ERAP1: variants seen among roughly 807,000 people sequenced by gnomAD.
ERAP1 encodes endoplasmic reticulum aminopeptidase 1.
Under a neutral mutation model 103.7 loss-of-function variants are expected in ERAP1, and 86 were observed. That is an observed-to-expected ratio of 0.83 (90% CI 0.70 to 0.99). The LOEUF (loss-of-function observed/expected upper bound fraction) is 0.99. Ranked by LOEUF, ERAP1 falls within the 50% of genes least tolerant of loss-of-function variation. The pLI is 0.00. For missense variants in ERAP1, 1,009 were observed against 1,128.4 expected, an observed-to-expected ratio of 0.89 and a Z score of 1.52; for synonymous variants, 398 against 402.4, an observed-to-expected ratio of 0.99 and a Z score of 0.13.
the ERAP1 span, among the ~76,000 whole-genome samples, chr5:96,878,764 C>T: frequency 2.0e-5 from 3 of 152,158 alleles, no homozygotes; most frequent in Admixed American, 2.0e-4. Context: ...CCCGTCTCTA[C>T]TAAAAATACA....
the ERAP1 span, among the ~76,000 whole-genome samples, chr5:96,924,744 C>T: frequency 6.6e-6 from 1 of 151,964 alleles, no homozygotes; most frequent in South Asian, 2.1e-4. Context: ...ACTACAGGCA[C>T]CTGCTACCAT....
rs557154094 is a variant in ERAP1 at position 96,791,948 on chromosome 5, G to A, written c.1320+113C>T. 2.6e-6 allele frequency: 3 copies of A among 1,162,574 alleles called. No homozygotes were observed. In the East Asian group the frequency reaches 7.2e-5, roughly 28 times the overall value. 72.0% of individuals were successfully genotyped at this position (1,162,574 alleles called of 1,614,324 possible). ...GTTGACTCCAGCCAGCACGTGTCAAGAGAGAAGGCATTCAATCTGGGTTTA... is the reference window on the plus strand; with the variant it reads ...GTTGACTCCAGCCAGCACGTGTCAAAAGAGAAGGCATTCAATCTGGGTTTA... On this transcript the variant is annotated intron_variant, in intron 8 of 18. Transcript: ENST00000443439.
the ERAP1 span, among the ~76,000 whole-genome samples, chr5:96,837,632 C>T: frequency 6.6e-6 from 1 of 152,130 alleles, no homozygotes; most frequent in South Asian, 2.1e-4. Context: ...CTCCTGAAGC[C>T]CCAGAAGGAA....
At chr5:96,841,272 T>C in the ERAP1 span, among the ~76,000 whole-genome samples, 9 of 152,314 alleles carry the variant, frequency 5.9e-5, no homozygotes, top group East Asian at 1.7e-3. Flanking sequence ...ACCACTGATA[T>C]TCTGGGTTGG....
chr5:96,887,072 A>AGT, the ERAP1 span, among the ~76,000 whole-genome samples: 7,540 of 61,542 alleles, frequency 0.12, 298 homozygotes, highest in African/African-American at 0.16. Flanking sequence ...TAATTTTCAA[A>AGT]GTATATATAT....
chr5:96,770,648 C>A, downstream of ERAP1: 4 of 1,244,110 alleles, frequency 3.2e-6, 1 homozygote, highest in South Asian at 3.6e-5. Context: ...AGCAGTTACA[C>A]AGAGTAGGGT....
the ERAP1 span, among the ~76,000 whole-genome samples, chr5:96,914,590 A>G: frequency 6.6e-6 from 1 of 152,258 alleles, no homozygotes; most frequent in Non-Finnish European, 1.5e-5. Context: ...TAAACAGGAA[A>G]TGATGCCCCT....
chr5:96,860,376 A>G, the ERAP1 span, among the ~76,000 whole-genome samples: 1 of 152,090 alleles, frequency 6.6e-6, no homozygotes, highest in Non-Finnish European at 1.5e-5. Context: ...TTATAATGAG[A>G]ATGTGTTTCA....
At chr5:96,806,349 G>T (rs1473714050) in intron 1 of ERAP1, among the ~76,000 whole-genome samples, 1 of 152,150 alleles carries the variant, frequency 6.6e-6, no homozygotes, top group Non-Finnish European at 1.5e-5. Flanking sequence ...CTTCCCAAGA[G>T]AAGTACAATT....
chr5:96,825,632 A>T, the ERAP1 span, among the ~76,000 whole-genome samples: 1 of 152,230 alleles, frequency 6.6e-6, no homozygotes, highest in Non-Finnish European at 1.5e-5. Context: ...GGGAAAAATG[A>T]ATACAGAGAT....
At position 96,781,976 on chromosome 5, in the gene ERAP1, T is replaced by C. The variant is rs546751791; in HGVS notation, c.2286-122A>G. 4,236 of 935,608 alleles carry C rather than the reference T, an allele frequency of 4.5e-3. 52 individuals carry two copies. The highest frequency in any genetic ancestry group is 0.022 in the South Asian group (1,513 of 68,686). The allele number at this position is 935,608 out of a possible 1,614,324, so 58.0% of individuals were successfully genotyped here. A position where few individuals can be genotyped will look rare whatever the true frequency, so the allele number is the denominator to read the frequency against. ...GATCAGAGAAGCATGCCTGGAAATA[T>C]AAACAAAAACTACTGATTTCCTTCA... On this transcript the variant is annotated intron_variant, in intron 15 of 18. Transcript: ENST00000443439.
intron 3 of ERAP1, among the ~76,000 whole-genome samples, chr5:96,798,390 A>G (rs991707829): frequency 1.3e-5 from 2 of 151,478 alleles, no homozygotes; most frequent in Non-Finnish European, 2.9e-5. Context: ...AAGTGCAATC[A>G]GAGAGTAAGG....
At chr5:96,841,736 C>CTCT in the ERAP1 span, among the ~76,000 whole-genome samples, 11 of 118,448 alleles carry the variant, frequency 9.3e-5, no homozygotes, top group Non-Finnish European at 1.8e-4. Flanking sequence ...AACATCTTTT[C>CTCT]TCTTCTTCTT....
chr5:96,807,213 T>A (rs1778721750), intron 1 of ERAP1, among the ~76,000 whole-genome samples: 1 of 152,174 alleles, frequency 6.6e-6, no homozygotes, highest in Non-Finnish European at 1.5e-5. Context: ...AGGTGCTTTA[T>A]CTGAATAAAA....
chr5:96,888,138 A>AG, the ERAP1 span, among the ~76,000 whole-genome samples: 1 of 133,330 alleles, frequency 7.5e-6, no homozygotes, highest in African/African-American at 2.9e-5. Flanking sequence ...AGAAAAAAAA[A>AG]AAGAAAGAAA....
the ERAP1 span, among the ~76,000 whole-genome samples, chr5:96,904,875 A>T: frequency 2.1e-4 from 32 of 152,336 alleles, no homozygotes; most frequent in Admixed American, 5.2e-4. Context: ...TTCTTCACTA[A>T]GTAGACAGAT....
chr5:96,880,609 A>T, the ERAP1 span, among the ~76,000 whole-genome samples: 453 of 152,362 alleles, frequency 3.0e-3, 3 homozygotes, highest in African/African-American at 0.01. Flanking sequence ...ACCAGAAGGA[A>T]ATGTAAGTGA....
chr5:96,867,539 T>C, the ERAP1 span, among the ~76,000 whole-genome samples: 2 of 152,176 alleles, frequency 1.3e-5, no homozygotes, highest in Non-Finnish European at 2.9e-5. Flanking sequence ...CTCACTTGTC[T>C]GGTATTGGAT....
chr5:96,771,713 T>C (rs2150809335), downstream of ERAP1: 1 of 1,565,318 alleles, frequency 6.4e-7, no homozygotes, highest in East Asian at 2.2e-5. Context: ...GTAAGTTGGG[T>C]GTTTATTTGT....
Sources: allele counts gnomAD v4.1 joint callset (sites outside exome capture counted in the v4.1 genomes callset), GRCh38; gene constraint gnomAD v4.1.1; transcripts MANE v1.5; gene names NCBI Gene and HGNC (gene_info 2026-07-23, HGNC 2026-07-21).